CAGE1: variants seen among roughly 807,000 people sequenced by gnomAD.
The protein encoded by CAGE1 is cancer-associated gene 1 protein.
In CAGE1, 66 loss-of-function variants were observed where a neutral mutation model predicts 94.9. The observed-to-expected ratio is 0.70, with a 90% CI of 0.57 to 0.85. The LOEUF (loss-of-function observed/expected upper bound fraction) is 0.85. Ranked by LOEUF, CAGE1 falls within the 40% of genes least tolerant of loss-of-function variation. CAGE1 has a pLI of 0.00. For synonymous variants in CAGE1, 319 were observed against 321.0 expected (o/e 0.99, Z 0.07); for missense variants, 865 against 950.4 (o/e 0.91, Z 1.18).
At chr6:7,349,388 A>C (rs573078293) in intron 11 of CAGE1, among the ~76,000 whole-genome samples, 1 of 152,324 alleles carries the variant, frequency 6.6e-6, no homozygotes, top group African/African-American at 2.4e-5. Context: ...CCAAGCCACC[A>C]CTACAAGAAC....
intron 13 of CAGE1, among the ~76,000 whole-genome samples, chr6:7,327,215 G>C (rs559746758): frequency 1.4e-3 from 217 of 152,198 alleles, no homozygotes; most frequent in Non-Finnish European, 2.7e-3. Flanking sequence ...ACCATGCCCG[G>C]CTATTTTTTG....
intron 3 of CAGE1, among the ~76,000 whole-genome samples, chr6:7,384,437 A>G (rs1222453052): frequency 6.6e-6 from 1 of 152,180 alleles, no homozygotes; most frequent in Non-Finnish European, 1.5e-5. Context: ...AAATAAAGAC[A>G]TTTGTATACA....
chr6:7,373,393 C>G lies in CAGE1; in HGVS notation c.1426G>C (p.Glu476Gln). Residue 476 changes from glutamate to glutamine, a missense_variant, in exon 5 of 14, where the codon GAA becomes CAA. Glu to Gln is a conservative substitution (Grantham distance 29). Coordinates refer to ENST00000502583, the MANE Select transcript of CAGE1 (RefSeq NM_001170692.2). ...AACTCTTGTTCTTGGGCCTCTTTTTCCCGTTTCAACAAGTCCAAAGCAGAA... is the reference window on the plus strand; with the variant it reads ...AACTCTTGTTCTTGGGCCTCTTTTTGCCGTTTCAACAAGTCCAAAGCAGAA... ...TASALDLLKR[E>Q]KEAQEQEFLS... 5.6e-6 allele frequency: 9 copies of G among 1,613,728 alleles called. No individual in the cohort carries two copies. The highest frequency in any genetic ancestry group is 7.6e-6 in the Non-Finnish European group (9 of 1,179,800).
chr6:7,344,231 C>A (rs970435296), intron 11 of CAGE1, among the ~76,000 whole-genome samples: 1 of 152,098 alleles, frequency 6.6e-6, no homozygotes, highest in Non-Finnish European at 1.5e-5. Context: ...GAGGCGCCAG[C>A]GGGAACCGGG....
Position 7,389,708 on chromosome 6 carries a change from C to T in CAGE1, c.-530G>A. 2 of 505,368 alleles carry T rather than the reference C, an allele frequency of 4.0e-6. No homozygotes were observed. The highest frequency in any genetic ancestry group is 3.4e-5 in the East Asian group (1 of 29,254). The allele number at this position is 505,368 out of a possible 1,614,324, so 31.3% of individuals were successfully genotyped here. On this transcript the variant is annotated 5_prime_UTR_variant, in exon 1 of 14. It introduces an in-frame stop codon into an upstream open reading frame of the 5' UTR. Transcript: ENST00000502583. ...CGCCTTCCTGAGAGCACAGAACATC[C>T]ACAGCCCTATACAGCGCGCCATCCA...
chr6:7,341,196 T>G (rs1759161425), intron 11 of CAGE1: 1 of 639,270 alleles, frequency 1.6e-6, no homozygotes, highest in South Asian at 1.5e-5. Context: ...TCTGGAGCAG[T>G]TGACACAGCT....
Position 7,329,933 on chromosome 6 carries a change from G to T in CAGE1, c.2439-45C>A, listed in dbSNP as rs146015146. ...AATAATGTAAAAAGGAGGAAGGGGG[G>T]ACTGAAATAGTGAACATGGTGAGCA... is the stretch of plus-strand genomic sequence containing the variant. On this transcript the variant is annotated intron_variant, in intron 12 of 13. Coordinates refer to ENST00000502583, the MANE Select transcript of CAGE1 (RefSeq NM_001170692.2). 7,952 of 830,524 alleles carry T rather than the reference G, an allele frequency of 9.6e-3. 60 individuals are homozygous for T. Among genetic ancestry groups the T allele is most frequent in the African/African-American group, 0.012 (725 of 58,664 alleles). The allele number at this position is 830,524 out of a possible 1,614,324, so 51.4% of individuals were successfully genotyped here. A position where few individuals can be genotyped will look rare whatever the true frequency, so the allele number is the denominator to read the frequency against.
At chr6:7,328,539 A>G (rs995567372) in intron 13 of CAGE1, among the ~76,000 whole-genome samples, 1 of 152,182 alleles carries the variant, frequency 6.6e-6, no homozygotes, top group African/African-American at 2.4e-5. Flanking sequence ...ATAACAGGAA[A>G]GCACAGAAAT....
At chr6:7,360,027 C>G (rs1760115562) in intron 9 of CAGE1, among the ~76,000 whole-genome samples, 1 of 152,140 alleles carries the variant, frequency 6.6e-6, no homozygotes, top group Non-Finnish European at 1.5e-5. Flanking sequence ...TAAAGGCTGC[C>G]CACATCTTTG....
intron 11 of CAGE1, among the ~76,000 whole-genome samples, chr6:7,354,354 A>G (rs1009257746): frequency 1.3e-5 from 2 of 152,200 alleles, no homozygotes; most frequent in African/African-American, 4.8e-5. Context: ...AAACTGTTTG[A>G]CATTTGTTCT....
chr6:7,345,513 C>T (rs144510225), intron 11 of CAGE1, among the ~76,000 whole-genome samples: 3 of 152,176 alleles, frequency 2.0e-5, no homozygotes, highest in African/African-American at 4.8e-5. Flanking sequence ...AGCAAGATCA[C>T]TCTGGCTGCA....
chr6:7,349,778 C>G (rs1294166052), intron 11 of CAGE1, among the ~76,000 whole-genome samples: 7 of 151,710 alleles, frequency 4.6e-5, no homozygotes, highest in Non-Finnish European at 1.0e-4. Flanking sequence ...ACTACAAATA[C>G]AAAATTAGCC....
chr6:7,349,335 C>T (rs1387038901), intron 11 of CAGE1, among the ~76,000 whole-genome samples: 1 of 152,140 alleles, frequency 6.6e-6, no homozygotes, highest in Non-Finnish European at 1.5e-5. Flanking sequence ...AGGAAAGATA[C>T]AGTCTGTTTC....
chr6:7,365,712 G>T, intron 8 of CAGE1, 92 bp downstream of exon 8: 1 of 1,319,198 alleles, frequency 7.6e-7, no homozygotes, highest in Non-Finnish European at 1.1e-6. Flanking sequence ...CTTAGAACTA[G>T]AAGTACTTCA....
At chr6:7,331,050 T>C (rs534007419) in intron 12 of CAGE1, among the ~76,000 whole-genome samples, 1 of 152,212 alleles carries the variant, frequency 6.6e-6, no homozygotes, top group Non-Finnish European at 1.5e-5. Flanking sequence ...TCAGATCACA[T>C]TTTTTCATTT....
intron 11 of CAGE1, among the ~76,000 whole-genome samples, chr6:7,348,391 G>A (rs767246560): frequency 6.6e-6 from 1 of 152,132 alleles, no homozygotes; most frequent in Non-Finnish European, 1.5e-5. Context: ...CCCCATCAAG[G>A]GAACACCCCA....
intron 3 of CAGE1, among the ~76,000 whole-genome samples, chr6:7,385,014 GTTTT>G (rs1192832287): frequency 6.6e-6 from 1 of 150,582 alleles, no homozygotes; most frequent in Non-Finnish European, 1.5e-5. Context: ...GTTTGTTTTG[GTTTT>G]TTTTGAGATG....
chr6:7,344,518 G>T (rs1212335603), intron 11 of CAGE1, among the ~76,000 whole-genome samples: 1 of 152,230 alleles, frequency 6.6e-6, no homozygotes, highest in Non-Finnish European at 1.5e-5. Context: ...ATGAGCTCCT[G>T]TGCGGCCCAG....
At chr6:7,334,504 G>A (rs183636115) in intron 11 of CAGE1, among the ~76,000 whole-genome samples, 176 of 152,200 alleles carry the variant, frequency 1.2e-3, no homozygotes, top group African/African-American at 3.8e-3. Context: ...TGAGGCAGGC[G>A]AGTCTCTTGA....
Sources: gnomAD v4.1 joint callset for allele counts (sites outside exome capture counted in the v4.1 genomes callset) on GRCh38, gnomAD v4.1.1 for gene constraint, MANE v1.5 for transcripts, NCBI Gene and HGNC (gene_info 2026-07-23, HGNC 2026-07-21) for gene names.